ZNF536: variants seen among roughly 807,000 people sequenced by gnomAD.
ZNF536 encodes the protein zinc finger protein 536.
ZNF536 carries 13 observed loss-of-function variants against 84.5 expected under a neutral mutation model. That is an observed-to-expected ratio of 0.15 (90% CI 0.10 to 0.24). ZNF536 has a LOEUF of 0.24. Among genes scored for constraint, ZNF536 ranks in the 10% least tolerant of loss-of-function variants. ZNF536 has a pLI of 1.00. For synonymous variants in ZNF536, 811 were observed against 742.5 expected, an observed-to-expected ratio of 1.09 and a Z score of -1.50; for missense variants, 1,536 against 1,747.5, an observed-to-expected ratio of 0.88 and a Z score of 2.16.
chr19:30,478,345 G>T (rs1021833073), intron 2 of ZNF536, among the ~76,000 whole-genome samples: 1 of 152,098 alleles, frequency 6.6e-6, no homozygotes, highest in African/African-American at 2.4e-5. Context: ...GAATGCTGTG[G>T]GGCTCCGCCA....
chr19:30,347,920 G>T (rs2047801922), intron 2 of ZNF536, among the ~76,000 whole-genome samples: 1 of 152,196 alleles, frequency 6.6e-6, no homozygotes, highest in East Asian at 1.9e-4. Flanking sequence ...ACAGGCAGGG[G>T]CCCTACTTAG....
At chr19:30,325,439 A>G (rs1442076821) in intron 2 of ZNF536, among the ~76,000 whole-genome samples, 1 of 152,160 alleles carries the variant, frequency 6.6e-6, no homozygotes, top group African/African-American at 2.4e-5. Context: ...CTCTGAGCCC[A>G]GTTTCTTCAC....
intron 1 of ZNF536, among the ~76,000 whole-genome samples, chr19:30,389,341 T>C (rs777343807): frequency 2.0e-5 from 3 of 152,164 alleles, no homozygotes; most frequent in Non-Finnish European, 2.9e-5. Context: ...TAGAGGGTTA[T>C]CTTAGTGCCC....
At chr19:30,247,465 C>A (rs1001916555) in intron 1 of ZNF536, among the ~76,000 whole-genome samples, 1 of 152,204 alleles carries the variant, frequency 6.6e-6, no homozygotes, top group Non-Finnish European at 1.5e-5. Flanking sequence ...GGACTCCACA[C>A]TGGTCCAGGT....
chr19:30,613,738 A>C (rs532779194), intron 1 of ZNF536, among the ~76,000 whole-genome samples: 32 of 152,356 alleles, frequency 2.1e-4, no homozygotes, highest in Non-Finnish European at 3.7e-4. Context: ...CAGCCTAACC[A>C]AATTGAGCGA....
At chr19:30,275,480 G>C (rs2026076757) in intron 1 of ZNF536, among the ~76,000 whole-genome samples, 1 of 152,142 alleles carries the variant, frequency 6.6e-6, no homozygotes, top group Non-Finnish European at 1.5e-5. Flanking sequence ...AGGCAGACTT[G>C]ACTGCCCTGA....
chr19:30,702,845 C>G (rs2052043600), intron 1 of ZNF536, among the ~76,000 whole-genome samples: 1 of 152,168 alleles, frequency 6.6e-6, no homozygotes. Flanking sequence ...CTGTGATGTG[C>G]CAAGCACCGT....
intron 2 of ZNF536, among the ~76,000 whole-genome samples, chr19:30,338,616 G>T (rs749687705): frequency 1.3e-5 from 2 of 152,104 alleles, no homozygotes; most frequent in Non-Finnish European, 2.9e-5. Flanking sequence ...TCACTTCCTG[G>T]TTACTTAACC....
intron 1 of ZNF536, among the ~76,000 whole-genome samples, chr19:30,624,726 G>A (rs1045125665): frequency 2.0e-5 from 3 of 152,108 alleles, no homozygotes; most frequent in East Asian, 3.8e-4. Flanking sequence ...AGGTGATATG[G>A]TTTGGCTTTG....
chr19:30,268,835 A>G (rs373307923), intron 1 of ZNF536, among the ~76,000 whole-genome samples: 22 of 152,248 alleles, frequency 1.4e-4, no homozygotes, highest in African/African-American at 4.6e-4. Context: ...GAACTCCCCA[A>G]TCTCGCTGGC....
At chr19:30,434,979 ATCG>A (rs2051654666) in intron 1 of ZNF536, among the ~76,000 whole-genome samples, 1 of 150,690 alleles carries the variant, frequency 6.6e-6, no homozygotes, top group South Asian at 2.1e-4. Flanking sequence ...GGTGATGATG[ATCG>A]TGGTGATGAT....
chr19:30,360,897 G>T (rs761189220), intron 3 of ZNF536, among the ~76,000 whole-genome samples: 1 of 152,154 alleles, frequency 6.6e-6, no homozygotes, highest in African/African-American at 2.4e-5. Context: ...TGCCCTGTTC[G>T]CCAGGGCTTC....
intron 1 of ZNF536, among the ~76,000 whole-genome samples, chr19:30,621,761 A>T (rs745399369): frequency 5.3e-5 from 8 of 152,242 alleles, no homozygotes; most frequent in Non-Finnish European, 1.2e-4. Context: ...CAGCATCAGG[A>T]CATAGCCCAC....
intron 1 of ZNF536, among the ~76,000 whole-genome samples, chr19:30,625,735 G>A (rs1260477503): frequency 2.6e-5 from 4 of 152,192 alleles, no homozygotes; most frequent in African/African-American, 4.8e-5. Flanking sequence ...ACAGTAACCT[G>A]GATACACCTG....
At chr19:30,704,840 C>G (rs1280799183) in intron 1 of ZNF536, among the ~76,000 whole-genome samples, 1 of 151,884 alleles carries the variant, frequency 6.6e-6, no homozygotes, top group Non-Finnish European at 1.5e-5. Context: ...TCCATGGGCC[C>G]CTCTTGCTGC....
intron 1 of ZNF536, among the ~76,000 whole-genome samples, chr19:30,379,607 G>T (rs2048944396): frequency 1.3e-5 from 2 of 150,984 alleles, no homozygotes; most frequent in Admixed American, 1.3e-4. Flanking sequence ...AAAAGGAGGG[G>T]TGGGGCTTGA....
At chr19:30,339,987 T>C (rs1391196345) in intron 2 of ZNF536, among the ~76,000 whole-genome samples, 2 of 152,120 alleles carry the variant, frequency 1.3e-5, no homozygotes, top group African/African-American at 4.8e-5. Flanking sequence ...TGGGCACTCT[T>C]CATCCTAGGG....
chr19:30,414,381 G>A (rs1274593912), intron 1 of ZNF536, among the ~76,000 whole-genome samples: 1 of 151,992 alleles, frequency 6.6e-6, no homozygotes, highest in African/African-American at 2.4e-5. Context: ...TTACTAATAT[G>A]TTTAGTTTTT....
At chr19:30,520,249 T>C (rs1052678010) in intron 2 of ZNF536, among the ~76,000 whole-genome samples, 1 of 152,146 alleles carries the variant, frequency 6.6e-6, no homozygotes, top group Non-Finnish European at 1.5e-5. Flanking sequence ...AGCTCTTAAA[T>C]TCTTTTTCAA....
Sources: allele counts gnomAD v4.1 joint callset (sites outside exome capture counted in the v4.1 genomes callset), GRCh38; gene constraint gnomAD v4.1.1; transcripts MANE v1.5; gene names NCBI Gene and HGNC (gene_info 2026-07-23, HGNC 2026-07-21).